RBFOX1: variants seen among roughly 807,000 people sequenced by gnomAD.
RBFOX1 encodes the protein RNA binding protein fox-1 homolog 1.
Under a neutral mutation model 57.7 loss-of-function variants are expected in RBFOX1, and 8 were observed. That is an observed-to-expected ratio of 0.14 (90% CI 0.08 to 0.25). RBFOX1 has a LOEUF of 0.25. Among genes scored for constraint, RBFOX1 ranks in the 10% least tolerant of loss-of-function variants. The pLI is 1.00. For missense variants in RBFOX1, 611 were observed against 548.5 expected (o/e 1.11, Z -1.14); for synonymous variants, 326 against 222.4 (o/e 1.47, Z -4.15).
intron 1 of RBFOX1, among the ~76,000 whole-genome samples, chr16:6,070,814 C>G (rs892353966): frequency 7.3e-5 from 11 of 151,240 alleles, no homozygotes; most frequent in Admixed American, 6.6e-4. Context: ...CACACACACG[C>G]TCGCCCCCCC....
chr16:5,357,106 G>A (rs564731163), intron 1 of RBFOX1, among the ~76,000 whole-genome samples: 1 of 152,326 alleles, frequency 6.6e-6, no homozygotes, highest in Non-Finnish European at 1.5e-5. Flanking sequence ...CTGGCAAAAT[G>A]TGTAATCTCA....
chr16:6,055,655 A>G (rs1222763166), intron 1 of RBFOX1, among the ~76,000 whole-genome samples: 1 of 151,742 alleles, frequency 6.6e-6, no homozygotes, highest in African/African-American at 2.4e-5. Flanking sequence ...CTCTCATGGA[A>G]GTTTGCAGTC....
chr16:6,673,712 G>C (rs1229680357), intron 3 of RBFOX1, among the ~76,000 whole-genome samples: 2 of 152,240 alleles, frequency 1.3e-5, no homozygotes, highest in African/African-American at 4.8e-5. Flanking sequence ...GTGCCTGGCA[G>C]AGAGAAGAGG....
chr16:5,580,745 C>G (rs2046638143), intron 2 of RBFOX1, among the ~76,000 whole-genome samples: 1 of 152,194 alleles, frequency 6.6e-6, no homozygotes, highest in Non-Finnish European at 1.5e-5. Context: ...GACTCCTACA[C>G]TTAGGTTTAA....
chr16:7,448,014 C>T (rs940763028), intron 4 of RBFOX1, among the ~76,000 whole-genome samples: 2 of 152,154 alleles, frequency 1.3e-5, no homozygotes, highest in African/African-American at 4.8e-5. Context: ...TAGAAACACC[C>T]ACCCTCCTTT....
At chr16:6,868,963 G>C (rs1389910845) in intron 3 of RBFOX1, among the ~76,000 whole-genome samples, 1 of 152,132 alleles carries the variant, frequency 6.6e-6, no homozygotes, top group East Asian at 1.9e-4. Context: ...GGATACATGA[G>C]GTGAGAGAAA....
At chr16:7,038,755 A>T (rs759164707) in intron 3 of RBFOX1, among the ~76,000 whole-genome samples, 4 of 152,060 alleles carry the variant, frequency 2.6e-5, no homozygotes, top group African/African-American at 9.7e-5. Context: ...GTCTTGCTCA[A>T]TGTTTGTCTG....
At chr16:6,760,380 C>A (rs894094746) in intron 3 of RBFOX1, among the ~76,000 whole-genome samples, 1 of 152,156 alleles carries the variant, frequency 6.6e-6, no homozygotes, top group African/African-American at 2.4e-5. Flanking sequence ...AAATGGAATT[C>A]TTCAACATCT....
At chr16:5,897,244 C>T (rs1256666108) in intron 4 of RBFOX1, among the ~76,000 whole-genome samples, 1 of 150,200 alleles carries the variant, frequency 6.7e-6, no homozygotes, top group African/African-American at 2.5e-5. Context: ...ACCTTGTTAG[C>T]CAGGATGGTC....
chr16:6,656,414 G>A (rs1010768612), intron 3 of RBFOX1, among the ~76,000 whole-genome samples: 1 of 152,174 alleles, frequency 6.6e-6, no homozygotes, highest in African/African-American at 2.4e-5. Flanking sequence ...GGCAGGGTAA[G>A]CTCTGGGCAA....
At chr16:7,071,755 C>G (rs766557492) in intron 4 of RBFOX1, among the ~76,000 whole-genome samples, 1 of 152,038 alleles carries the variant, frequency 6.6e-6, no homozygotes, top group Non-Finnish European at 1.5e-5. Context: ...ACTTAAATAT[C>G]ACTTAGACAT....
chr16:6,197,917 G>A (rs1010183315), intron 1 of RBFOX1, among the ~76,000 whole-genome samples: 2 of 152,094 alleles, frequency 1.3e-5, no homozygotes, highest in Non-Finnish European at 2.9e-5. Context: ...TTCTGTCCCT[G>A]CATTAGTTTG....
chr16:5,886,812 T>C (rs2057911222), intron 4 of RBFOX1, among the ~76,000 whole-genome samples: 2 of 152,162 alleles, frequency 1.3e-5, no homozygotes, highest in African/African-American at 4.8e-5. Context: ...CACTTGAACC[T>C]GGGAGGTGGA....
At chr16:6,078,562 G>T (rs989263625) in intron 1 of RBFOX1, among the ~76,000 whole-genome samples, 22 of 152,156 alleles carry the variant, frequency 1.4e-4, no homozygotes, top group Admixed American at 4.6e-4. Context: ...CTACCTAGCT[G>T]TGTGACCTTG....
intron 4 of RBFOX1, among the ~76,000 whole-genome samples, chr16:7,205,984 A>T (rs930436858): frequency 2.6e-5 from 4 of 152,254 alleles, no homozygotes; most frequent in African/African-American, 9.6e-5. Flanking sequence ...TGATGAGCCT[A>T]TGGCCGATGT....
intron 4 of RBFOX1, among the ~76,000 whole-genome samples, chr16:7,449,886 C>T (rs995937460): frequency 3.3e-5 from 5 of 152,016 alleles, no homozygotes; most frequent in Non-Finnish European, 5.9e-5. Flanking sequence ...GGCTTGAAGA[C>T]ATTTGTGAAG....
intron 4 of RBFOX1, among the ~76,000 whole-genome samples, chr16:7,189,425 CAA>C (rs1159617665): frequency 4.1e-4 from 28 of 67,618 alleles, no homozygotes; most frequent in African/African-American, 1.2e-3. Context: ...GACTCCCTCT[CAA>C]AAAAAAAAAA....
At chr16:7,151,706 A>C (rs1381999657) in intron 4 of RBFOX1, among the ~76,000 whole-genome samples, 1 of 152,100 alleles carries the variant, frequency 6.6e-6, no homozygotes, top group Non-Finnish European at 1.5e-5. Flanking sequence ...AACTCACCAT[A>C]ATGTAGAATC....
intron 3 of RBFOX1, among the ~76,000 whole-genome samples, chr16:6,988,594 A>T (rs2090799007): frequency 6.6e-6 from 1 of 150,992 alleles, no homozygotes; most frequent in Admixed American, 6.6e-5. Context: ...TTTATTTGGG[A>T]CCGAGTCTTG....
Sources: gnomAD v4.1 joint callset for allele counts (sites outside exome capture counted in the v4.1 genomes callset) on GRCh38, gnomAD v4.1.1 for gene constraint, MANE v1.5 for transcripts, NCBI Gene and HGNC (gene_info 2026-07-23, HGNC 2026-07-21) for gene names.